The following AGBL4 variants were observed in gnomAD, a reference collection of about 807,000 sequenced individuals.
AGBL4 encodes cytosolic carboxypeptidase 6.
AGBL4 carries 58 observed loss-of-function variants against 66.4 expected under a neutral mutation model. The observed-to-expected ratio is 0.87, with a 90% CI of 0.71 to 1.09. The LOEUF is 1.09. Among genes scored for constraint, AGBL4 ranks in the 50% least tolerant of loss-of-function variants. The probability of loss-of-function intolerance (pLI) is 0.00; values close to 1 mark genes in which losing one functional copy is unlikely to be tolerated. For synonymous variants in AGBL4, 234 were observed against 222.9 expected (o/e 1.05, Z -0.44); for missense variants, 579 against 631.0 (o/e 0.92, Z 0.88).
intron 6 of AGBL4, among the ~76,000 whole-genome samples, chr1:48,682,926 G>T (rs1380754273): frequency 6.6e-6 from 1 of 152,140 alleles, no homozygotes; most frequent in Non-Finnish European, 1.5e-5. Context: ...CAAGGTTTGA[G>T]AAAATATAAA....
intron 11 of AGBL4, among the ~76,000 whole-genome samples, chr1:48,549,428 C>G (rs1644216326): frequency 6.6e-6 from 1 of 151,956 alleles, no homozygotes; most frequent in Non-Finnish European, 1.5e-5. Flanking sequence ...AGAGGCACCC[C>G]CTAGGTAAGA....
At chr1:48,761,550 A>C in intron 6 of AGBL4, 1 of 1,387,178 alleles carries the variant, frequency 7.2e-7, no homozygotes, top group Non-Finnish European at 9.7e-7. Flanking sequence ...AAAACCTCAA[A>C]TGCTAGAAAA....
chr1:48,651,185 AT>A lies in AGBL4; in HGVS notation c.839+2151del, dbSNP rs1270190423. On this transcript the variant is annotated intron_variant, in intron 8 of 13. Transcript: ENST00000371839. ...CCAAGTCTCATAATGAGAATCACAT[AT>A]TCTCACTAGGAGAATGTTGGGGGTT... 3.3e-5 allele frequency among the ~76,000 whole-genome samples: 5 copies of A among 152,234 alleles called. No homozygotes were observed. The East Asian group carries it at 9.6e-4, about 29-fold the overall frequency.
At chr1:49,372,667 CTTTCTTTCTTTCTCTT>C (rs1212631226) in intron 3 of AGBL4, among the ~76,000 whole-genome samples, 1 of 74,432 alleles carries the variant, frequency 1.3e-5, no homozygotes, top group Non-Finnish European at 3.0e-5. Flanking sequence ...TTCTTTCTTT[CTTTCTTTCTTTCTCTT>C]TCTTTCTCTT....
chr1:48,921,435 G>A (rs939749159), intron 5 of AGBL4, among the ~76,000 whole-genome samples: 2 of 152,056 alleles, frequency 1.3e-5, no homozygotes, highest in African/African-American at 2.4e-5. Context: ...AAAGCGATAC[G>A]GTAGGTAATA....
chr1:49,395,762 T>G (rs77461650), intron 3 of AGBL4, among the ~76,000 whole-genome samples: 1 of 138,214 alleles, frequency 7.2e-6, no homozygotes, highest in Non-Finnish European at 1.5e-5. Flanking sequence ...TATATATATA[T>G]ACACATATAT....
intron 4 of AGBL4, among the ~76,000 whole-genome samples, chr1:49,096,694 T>G (rs1397277679): frequency 4.3e-4 from 28 of 64,596 alleles, no homozygotes; most frequent in East Asian, 1.2e-3. Flanking sequence ...TGTTATGGGG[T>G]GGGGGGAGGG....
intron 6 of AGBL4, among the ~76,000 whole-genome samples, chr1:48,800,395 C>T (rs532857124): frequency 6.6e-6 from 1 of 152,086 alleles, no homozygotes; most frequent in East Asian, 1.9e-4. Flanking sequence ...CTGTTCTTTC[C>T]TTGGTTAATC....
At position 49,530,221 on chromosome 1, in the gene AGBL4, T is replaced by C. The variant is rs140326263; in HGVS notation, c.282+167092A>G. Among the ~76,000 whole-genome samples the C allele has an allele frequency of 8.9e-3, 1,234 of 138,468 alleles. 16 individuals are homozygous for C. The highest frequency in any genetic ancestry group is 0.032 in the African/African-American group (1,174 of 36,694). 90.8% of individuals were successfully genotyped at this position (138,468 alleles called of 152,430 possible). A position where few individuals can be genotyped will look rare whatever the true frequency, so the allele number is the denominator to read the frequency against. The stretch of plus-strand genomic sequence containing the variant: ...ACATTTGGATTTTACATTATTGTTT[T>C]AAAAAGTTTCCACAGCTATGTTTTC... On this transcript the variant is annotated intron_variant, in intron 3 of 13. Transcript: ENST00000371839.
At chr1:49,801,275 C>A (rs572924520) in intron 2 of AGBL4, among the ~76,000 whole-genome samples, 96 of 152,288 alleles carry the variant, frequency 6.3e-4, no homozygotes, top group African/African-American at 2.3e-3. Context: ...CCTACAGCCA[C>A]ATGAGACTGA....
At chr1:49,441,673 A>C (rs749459250) in intron 3 of AGBL4, among the ~76,000 whole-genome samples, 1 of 152,238 alleles carries the variant, frequency 6.6e-6, no homozygotes, top group Non-Finnish European at 1.5e-5. Flanking sequence ...CAGATCTCAC[A>C]GTGGGAACCA....
chr1:49,697,415 C>G lies in AGBL4; in HGVS notation c.180G>C (p.Gln60His). The change falls in exon 3 of 14, where the codon CAG becomes CAC. Residue 60 changes from glutamine to histidine, a missense_variant. Transcript: ENST00000371839. ...ACAGATCATACTCAAACTCAGAGAC[C>G]TGGTCCACCCGGCCCAGGTTACCTG... ...FESGNLGRVD[Q>H]VSEFEYDLFI... 1 of 1,527,332 alleles carries G rather than the reference C, an allele frequency of 6.5e-7. No homozygotes were observed. The allele number at this position is 1,527,332 out of a possible 1,614,324, so 94.6% of individuals were successfully genotyped here. A position where few individuals can be genotyped will look rare whatever the true frequency, so the allele number is the denominator to read the frequency against.
chr1:48,794,303 C>T (rs988941216), intron 6 of AGBL4, among the ~76,000 whole-genome samples: 11 of 152,156 alleles, frequency 7.2e-5, no homozygotes, highest in Admixed American at 6.5e-5. Context: ...TTATCTTTGG[C>T]AGGCTCCTTC....
At chr1:48,931,906 C>G (rs1480084837) in intron 5 of AGBL4, among the ~76,000 whole-genome samples, 1 of 152,160 alleles carries the variant, frequency 6.6e-6, no homozygotes, top group African/African-American at 2.4e-5. Flanking sequence ...TGGTTACCTT[C>G]CTTTCCTCCT....
intron 1 of AGBL4, among the ~76,000 whole-genome samples, chr1:49,901,517 C>T (rs1649764933): frequency 1.3e-5 from 2 of 151,986 alleles, no homozygotes; most frequent in African/African-American, 2.4e-5. Context: ...ATAAGAATTA[C>T]AAAACACTGA....
intron 8 of AGBL4, among the ~76,000 whole-genome samples, chr1:48,638,913 A>G (rs1425522131): frequency 6.6e-6 from 1 of 152,138 alleles, no homozygotes; most frequent in African/African-American, 2.4e-5. Context: ...TTCTAGTGGG[A>G]GTGTTGAGGG....
intron 3 of AGBL4, among the ~76,000 whole-genome samples, chr1:49,329,202 G>A (rs1341966446): frequency 1.3e-5 from 2 of 152,080 alleles, no homozygotes; most frequent in African/African-American, 4.8e-5. Flanking sequence ...AGCTACCCAG[G>A]AGGTTGAGGC....
intron 3 of AGBL4, among the ~76,000 whole-genome samples, chr1:49,429,279 T>G (rs1027280023): frequency 6.6e-6 from 1 of 152,192 alleles, no homozygotes; most frequent in Non-Finnish European, 1.5e-5. Context: ...TAGGCTCCCA[T>G]AAGAATGAAA....
At position 48,622,475 on chromosome 1, in the gene AGBL4, ATTTTTTTTTTTTTTT is replaced by A. The variant is rs35455455; in HGVS notation, c.951+12003_951+12017del. Among the ~76,000 whole-genome samples, 496 of 71,912 alleles carry A rather than the reference ATTTTTTTTTTTTTTT, an allele frequency of 6.9e-3. 2 individuals carry two copies. Among genetic ancestry groups the A allele is most frequent in the African/African-American group, 0.025 (475 of 19,366 alleles). 47.2% of individuals were successfully genotyped at this position (71,912 alleles called of 152,430 possible). On this transcript the variant is annotated intron_variant, in intron 9 of 13. Coordinates refer to ENST00000371839, the MANE Select transcript of AGBL4 (RefSeq NM_032785.4). The stretch of plus-strand genomic sequence containing the variant: ...CTCAAGGAATCTTTTATTCAAATAC[ATTTTTTTTTTTTTTT>A]TTTTTTTTTTGGAGATGGAGTCTTG...
Sources: gnomAD v4.1 joint callset for allele counts (sites outside exome capture counted in the v4.1 genomes callset) on GRCh38, gnomAD v4.1.1 for gene constraint, MANE v1.5 for transcripts, NCBI Gene and HGNC (gene_info 2026-07-23, HGNC 2026-07-21) for gene names.